Variants in SPOCK3 observed in about 807,000 individuals in gnomAD.
SPOCK3 encodes the protein SPARC (osteonectin), cwcv and kazal like domains proteoglycan 3, also known as testican-3.
SPOCK3 carries 30 observed loss-of-function variants against 56.6 expected under a neutral mutation model. The ratio of observed to expected loss-of-function variants is 0.53; its 90% confidence interval spans 0.40 to 0.72. SPOCK3 has a LOEUF of 0.72. Among genes scored for constraint, SPOCK3 ranks in the 30% least tolerant of loss-of-function variants. The probability of loss-of-function intolerance (pLI) is 0.00; values close to 1 mark genes in which losing one functional copy is unlikely to be tolerated. For synonymous variants in SPOCK3, 196 were observed against 183.3 expected (o/e 1.07, Z -0.56); for missense variants, 527 against 530.0 (o/e 0.99, Z 0.06).
intron 6 of SPOCK3, among the ~76,000 whole-genome samples, chr4:166,795,465 C>A (rs183856972): frequency 6.6e-6 from 1 of 151,942 alleles, no homozygotes; most frequent in Non-Finnish European, 1.5e-5. Flanking sequence ...TAATACTTTA[C>A]GTATAAAACT....
intron 4 of SPOCK3, among the ~76,000 whole-genome samples, chr4:166,921,862 C>A (rs1478195819): frequency 6.6e-6 from 1 of 152,176 alleles, no homozygotes; most frequent in Admixed American, 6.5e-5. Context: ...AAATTATCAT[C>A]TTCTAACCTA....
At chr4:166,943,454 A>G (rs999322943) in intron 4 of SPOCK3, among the ~76,000 whole-genome samples, 4 of 152,194 alleles carry the variant, frequency 2.6e-5, no homozygotes, top group African/African-American at 9.7e-5. Flanking sequence ...ATGTTTTGGA[A>G]CTTAATCACA....
chr4:166,939,183 A>G (rs1337267518), intron 4 of SPOCK3, among the ~76,000 whole-genome samples: 2 of 152,136 alleles, frequency 1.3e-5, no homozygotes, highest in Non-Finnish European at 2.9e-5. Context: ...TTAGTAATGT[A>G]ATATAATTAA....
chr4:167,055,798 G>A (rs1371593481), intron 3 of SPOCK3, among the ~76,000 whole-genome samples: 2 of 152,224 alleles, frequency 1.3e-5, no homozygotes, highest in East Asian at 3.9e-4. Context: ...AAGCAGCCAG[G>A]AAGCTTGAAC....
At chr4:166,850,698 G>A (rs1748596856) in intron 6 of SPOCK3, among the ~76,000 whole-genome samples, 1 of 152,228 alleles carries the variant, frequency 6.6e-6, no homozygotes. Flanking sequence ...GTCAAAGAAA[G>A]GGGTGACAGA....
In SPOCK3 at chr4:166,748,432, T is replaced by G. The variant is rs1468593931; in HGVS notation, c.931+6076A>C. 2.9e-5 allele frequency among the ~76,000 whole-genome samples: 4 copies of G among 136,808 alleles called. 1 individual carries two copies. Among genetic ancestry groups the G allele is most frequent in the Non-Finnish European group, 6.2e-5 (4 of 64,668 alleles). 89.8% of individuals were successfully genotyped at this position (136,808 alleles called of 152,430 possible). A position where few individuals can be genotyped will look rare whatever the true frequency, so the allele number is the denominator to read the frequency against. ...TGGTGCTGGGAAAACTGGCTAGCCATATGTACAAAGCTGAAACTGGATGCC... is the reference window on the plus strand; with the variant it reads ...TGGTGCTGGGAAAACTGGCTAGCCAGATGTACAAAGCTGAAACTGGATGCC... On this transcript the variant is annotated intron_variant, in intron 8 of 10. Coordinates refer to ENST00000357545, the MANE Select transcript of SPOCK3 (RefSeq NM_001040159.2).
At chr4:166,738,090 T>C (rs1734403536) in intron 9 of SPOCK3, among the ~76,000 whole-genome samples, 2 of 152,208 alleles carry the variant, frequency 1.3e-5, no homozygotes. Context: ...AATTCAATGC[T>C]GTTTTGTCTC....
intron 2 of SPOCK3, among the ~76,000 whole-genome samples, chr4:167,205,576 A>T (rs1441404587): frequency 1.4e-4 from 12 of 82,888 alleles, no homozygotes; most frequent in African/African-American, 5.9e-4. Context: ...TATATATATA[A>T]TATAATATAA....
intron 6 of SPOCK3, among the ~76,000 whole-genome samples, chr4:166,852,747 G>C (rs553843592): frequency 6.6e-6 from 1 of 152,126 alleles, no homozygotes; most frequent in Admixed American, 6.5e-5. Context: ...CCAAATCTAG[G>C]AACTTCATTC....
intron 2 of SPOCK3, among the ~76,000 whole-genome samples, chr4:167,074,794 C>T (rs1463939882): frequency 3.3e-5 from 5 of 151,768 alleles, no homozygotes; most frequent in African/African-American, 1.2e-4. Context: ...TTTGACAAAA[C>T]AGTACTTCAG....
At chr4:167,232,646 C>T (rs1737293581) in intron 2 of SPOCK3, among the ~76,000 whole-genome samples, 1 of 152,104 alleles carries the variant, frequency 6.6e-6, no homozygotes, top group Non-Finnish European at 1.5e-5. Context: ...AAACTTAAAA[C>T]AAATATGCAA....
chr4:167,202,244 A>C (rs946716003), intron 2 of SPOCK3, among the ~76,000 whole-genome samples: 1 of 152,006 alleles, frequency 6.6e-6, no homozygotes, highest in Non-Finnish European at 1.5e-5. Context: ...CCAATTATGC[A>C]GTTCTATATC....
intron 7 of SPOCK3, among the ~76,000 whole-genome samples, chr4:166,770,846 G>C (rs568901056): frequency 6.6e-6 from 1 of 151,968 alleles, no homozygotes; most frequent in South Asian, 2.1e-4. Flanking sequence ...ATAAAAGCTG[G>C]AGTGGCTATG....
intron 4 of SPOCK3, among the ~76,000 whole-genome samples, chr4:166,929,207 A>G (rs957862676): frequency 2.0e-5 from 3 of 152,144 alleles, no homozygotes; most frequent in Non-Finnish European, 4.4e-5. Flanking sequence ...GCAGAATGTT[A>G]GCTTTAGGTT....
chr4:166,804,332 T>G (rs913634301), intron 6 of SPOCK3, among the ~76,000 whole-genome samples: 1 of 152,082 alleles, frequency 6.6e-6, no homozygotes, highest in African/African-American at 2.4e-5. Flanking sequence ...CTTCTCCTCT[T>G]TGCAGGTCAT....
At chr4:166,979,429 G>A (rs1270060854) in intron 4 of SPOCK3, among the ~76,000 whole-genome samples, 2 of 152,094 alleles carry the variant, frequency 1.3e-5, no homozygotes, top group Non-Finnish European at 2.9e-5. Flanking sequence ...CATTTCCATT[G>A]TTTTTTCCCC....
rs190391887 is a variant in SPOCK3 at position 167,037,209 on chromosome 4, C to T, written c.235+25283G>A. 3.9e-3 allele frequency among the ~76,000 whole-genome samples: 595 copies of T among 152,170 alleles called. 2 individuals are homozygous for T. Among genetic ancestry groups the T allele is most frequent in the Admixed American group, 4.8e-3 (73 of 15,294 alleles). On this transcript the variant is annotated intron_variant, in intron 3 of 10. Transcript: ENST00000357545. ...GGTAAAAGATTTTACAGGGGCCAGG[C>T]GCGGTGGCTCACACCTGGAATACCA...
chr4:167,174,101 C>T (rs1391677302), intron 2 of SPOCK3, among the ~76,000 whole-genome samples: 2 of 151,970 alleles, frequency 1.3e-5, no homozygotes, highest in Non-Finnish European at 2.9e-5. Context: ...ACATTTTATT[C>T]CTTACTTATT....
intron 3 of SPOCK3, among the ~76,000 whole-genome samples, chr4:167,058,669 C>CA (rs1755199175): frequency 2.0e-5 from 3 of 152,024 alleles, no homozygotes; most frequent in Non-Finnish European, 4.4e-5. Flanking sequence ...TCATATGGAA[C>CA]CAAAAAAGAG....
Sources: gnomAD v4.1 joint callset for allele counts (sites outside exome capture counted in the v4.1 genomes callset) on GRCh38, gnomAD v4.1.1 for gene constraint, MANE v1.5 for transcripts, NCBI Gene and HGNC (gene_info 2026-07-23, HGNC 2026-07-21) for gene names.